PTCH1: variants seen among roughly 807,000 people sequenced by gnomAD.
PTCH1 encodes the protein patched 1, also known as protein patched homolog 1.
PTCH1 carries 14 observed loss-of-function variants against 144.6 expected under a neutral mutation model. The observed-to-expected ratio is 0.10, with a 90% CI of 0.06 to 0.15. The LOEUF (loss-of-function observed/expected upper bound fraction) is 0.15. PTCH1 is among the 10% of genes least tolerant of loss of function. PTCH1 has a pLI of 1.00. For missense variants in PTCH1, 1,623 were observed against 1,948.3 expected, an observed-to-expected ratio of 0.83 and a Z score of 3.14; for synonymous variants, 833 against 793.6, an observed-to-expected ratio of 1.05 and a Z score of -0.83.
chr9:95,504,658 A>G (rs567851923), intron 2 of PTCH1, among the ~76,000 whole-genome samples: 3 of 152,064 alleles, frequency 2.0e-5, no homozygotes, highest in African/African-American at 4.8e-5. Flanking sequence ...AGTCTAGCCA[A>G]TCACATCACT....
rs1298115628 is a variant in PTCH1, at chr9:95,477,554, G to A, written c.1496C>T (p.Thr499Ile). The A allele has an allele frequency of 1.2e-6, 2 of 1,614,078 alleles. No individual in the cohort carries two copies. The highest frequency in any genetic ancestry group is 1.7e-6 in the Non-Finnish European group (2 of 1,180,052). Reference protein sequence around the residue: ...SLIGISFNAATTQVLPFLALG... With the variant: ...SLIGISFNAAITQVLPFLALG... Reference sequence around the variant, plus strand: ...AAATGGCTCCTTTAGTACCTGAGTTGTTGCAGCGTTAAAGGAAATTCCGAT... The same window carrying A: ...AAATGGCTCCTTTAGTACCTGAGTTATTGCAGCGTTAAAGGAAATTCCGAT... Residue 499 changes from threonine to isoleucine, a missense_variant, in exon 10 of 24, where the codon ACA becomes ATA. Thr to Ile is a moderately conservative substitution (Grantham distance 89, BLOSUM62 -1). Transcript: ENST00000331920.
chr9:95,476,247 A>T lies in PTCH1; in HGVS notation c.1603-88T>A. 6.5e-7 allele frequency: 1 copy of T among 1,531,896 alleles called. No homozygotes were observed. The highest frequency in any genetic ancestry group is 8.8e-7 in the Non-Finnish European group (1 of 1,136,032). The allele number at this position is 1,531,896 out of a possible 1,614,324, so 94.9% of individuals were successfully genotyped here. On this transcript the variant is annotated intron_variant, in intron 11 of 23. Coordinates refer to ENST00000331920, the MANE Select transcript of PTCH1 (RefSeq NM_000264.5). This position sits in a 1 kb window ranked among gnomAD's most constrained non-coding sequence, Gnocchi z 4.6. ...TGTGTGAGCAGATACGTGGCAGAAT[A>T]ACACAACTGTTATTACAGCTTATCA...
intron 15 of PTCH1, among the ~76,000 whole-genome samples, 169 bp downstream of exon 15, chr9:95,466,943 TGGGA>T (rs1351632664): frequency 6.6e-6 from 1 of 152,252 alleles, no homozygotes; most frequent in Non-Finnish European, 1.5e-5. Flanking sequence ...AAGCCAGATC[TGGGA>T]GGCTGCTGCA....
rs755078405 is a variant in PTCH1, at chr9:95,446,961, A to T, written c.4295T>A (p.Leu1432Gln). ...RRDSKVEVIE[L>Q]QDVECEERPR... ...CCTCTCCTCGCATTCCACGTCCTGC[A>T]GCTCAATGACTTCCACCTTCGAATC... Residue 1432 changes from leucine (L) to glutamine (Q), a missense_variant, in exon 23 of 24, where the codon CTG (leucine) becomes CAG (glutamine). Leu to Gln is a moderately radical substitution (Grantham distance 113). Coordinates refer to ENST00000331920, the MANE Select transcript of PTCH1 (RefSeq NM_000264.5). The T allele has an allele frequency of 6.2e-7, 1 of 1,614,206 alleles. No individual in the cohort carries two copies. The highest frequency in any genetic ancestry group is 8.5e-7 in the Non-Finnish European group (1 of 1,180,040).
At chr9:95,494,339 C>T (rs2118703595) in intron 2 of PTCH1, 1 of 985,560 alleles carries the variant, frequency 1.0e-6, no homozygotes, top group African/African-American at 1.7e-5. Context: ...GCAGCTCCCA[C>T]CAGCTCCCAA....
chr9:95,481,032 A>G (rs780135629), intron 5 of PTCH1, among the ~76,000 whole-genome samples: 3 of 152,150 alleles, frequency 2.0e-5, no homozygotes, highest in Non-Finnish European at 4.4e-5. Flanking sequence ...TCCCATACTT[A>G]TGAGCGCTCT....
At chr9:95,454,806 A>G (rs929478528) in intron 19 of PTCH1, among the ~76,000 whole-genome samples, 4 of 152,208 alleles carry the variant, frequency 2.6e-5, no homozygotes, top group African/African-American at 9.7e-5. Context: ...ATAACTGCCA[A>G]CTCTAAATGC....
Position 95,508,462 on chromosome 9 carries a change from G to C in PTCH1, c.-101C>G, listed in dbSNP as rs1407353876. ...GGCTCCTGGCGCGCCTGGGCGCTCG[G>C]CTTGCGAGGACGCTGCTGGCCGCAG... On this transcript the variant is annotated 5_prime_UTR_variant, in exon 1 of 24. Coordinates refer to ENST00000331920, the MANE Select transcript of PTCH1 (RefSeq NM_000264.5). 5.9e-6 allele frequency: 6 copies of C among 1,023,900 alleles called. No individual in the cohort carries two copies. The highest frequency in any genetic ancestry group is 7.0e-6 in the Non-Finnish European group (6 of 855,710). 63.4% of individuals were successfully genotyped at this position (1,023,900 alleles called of 1,614,324 possible). A position where few individuals can be genotyped will look rare whatever the true frequency, so the allele number is the denominator to read the frequency against.
At chr9:95,495,302 T>G (rs1391204122) in intron 2 of PTCH1, 4 of 152,314 alleles carry the variant, frequency 2.6e-5, no homozygotes, top group Admixed American at 2.6e-4. Context: ...GGTGGGGGCG[T>G]GGCAGAGAAA....
intron 2 of PTCH1, among the ~76,000 whole-genome samples, chr9:95,490,909 G>C (rs1564069459): frequency 6.6e-6 from 1 of 152,174 alleles, no homozygotes; most frequent in Non-Finnish European, 1.5e-5. Context: ...ATGTGTTTGA[G>C]GTGATGGACA....
chr9:95,451,420 G>A (rs1046123655), intron 20 of PTCH1: 2 of 152,228 alleles, frequency 1.3e-5, no homozygotes, highest in Admixed American at 1.3e-4. Context: ...TTAAGTGCTT[G>A]AAAGAGGAAC....
intron 1 of PTCH1, among the ~76,000 whole-genome samples, chr9:95,516,066 G>T (rs1256483205): frequency 6.6e-6 from 1 of 152,036 alleles, no homozygotes; most frequent in African/African-American, 2.4e-5. Flanking sequence ...CGAGTCAGTA[G>T]CCACCACCAG....
intron 2 of PTCH1, among the ~76,000 whole-genome samples, chr9:95,505,891 G>T (rs1297038440): frequency 6.8e-6 from 1 of 146,708 alleles, no homozygotes; most frequent in Admixed American, 6.7e-5. Flanking sequence ...GCCCGCCCCC[G>T]GCCCTCCCCA....
rs114296708 is a variant in PTCH1, at chr9:95,446,672, A to G, written c.*1+239T>C. On this transcript the variant is annotated intron_variant, in intron 23 of 23. Coordinates refer to ENST00000331920, the MANE Select transcript of PTCH1 (RefSeq NM_000264.5). The stretch of plus-strand genomic sequence containing the variant: ...GCTGTTTGTGTCCTTGTGGCGCTGC[A>G]CCGACCCTCCGCAGGTTAGCAGTGG... The G allele has an allele frequency of 2.0e-4, 125 of 614,186 alleles. 1 individual carries two copies. In the African/African-American group the frequency reaches 2.2e-3, roughly 11 times the overall value. The allele number at this position is 614,186 out of a possible 1,614,324, so 38.0% of individuals were successfully genotyped here. A position where few individuals can be genotyped will look rare whatever the true frequency, so the allele number is the denominator to read the frequency against.
At chr9:95,457,802 T>G (rs1271207663) in intron 18 of PTCH1, among the ~76,000 whole-genome samples, 2 of 152,196 alleles carry the variant, frequency 1.3e-5, no homozygotes, top group Non-Finnish European at 2.9e-5. Flanking sequence ...ACAAAAATCT[T>G]CAAGCTACAG....
upstream of PTCH1, among the ~76,000 whole-genome samples, chr9:95,510,374 G>A (rs908000919): frequency 1.3e-5 from 2 of 152,204 alleles, no homozygotes; most frequent in African/African-American, 2.4e-5. Context: ...CGGATCGCGA[G>A]GATTCGTCCC....
upstream of PTCH1, among the ~76,000 whole-genome samples, chr9:95,509,599 A>G (rs756963093): frequency 5.9e-5 from 9 of 152,256 alleles, no homozygotes; most frequent in Non-Finnish European, 8.8e-5. Flanking sequence ...CTTTGCGCGC[A>G]CACACGCGCG....
exon 1 of PTCH1, chr9:95,516,656 G>C (rs745969589): frequency 1.2e-6 from 2 of 1,611,346 alleles, no homozygotes. Context: ...CTCCCCTGTC[G>C]TCTTTTTCTT....
At chr9:95,475,275 C>T (rs769907894) in intron 12 of PTCH1, among the ~76,000 whole-genome samples, 1 of 152,122 alleles carries the variant, frequency 6.6e-6, no homozygotes, top group Non-Finnish European at 1.5e-5. Flanking sequence ...TAGAAAATAC[C>T]CTGACGGCCT....
Sources: allele counts gnomAD v4.1 joint callset (sites outside exome capture counted in the v4.1 genomes callset), GRCh38; gene constraint gnomAD v4.1.1; non-coding constraint Gnocchi (gnomAD v3.1); transcripts MANE v1.5; gene names NCBI Gene and HGNC (gene_info 2026-07-23, HGNC 2026-07-21).